Variants in SYT1 observed in about 807,000 individuals in gnomAD.
SYT1 encodes synaptotagmin-1.
SYT1 carries 8 observed loss-of-function variants against 44.8 expected under a neutral mutation model. That is an observed-to-expected ratio of 0.18 (90% CI 0.10 to 0.32). The LOEUF (loss-of-function observed/expected upper bound fraction) is 0.32, where lower values mean the gene tolerates loss of function less well. Ranked by LOEUF, SYT1 falls within the 10% of genes least tolerant of loss-of-function variation. The probability of loss-of-function intolerance (pLI) is 1.00; values close to 1 mark genes in which losing one functional copy is unlikely to be tolerated. For missense variants in SYT1, 286 were observed against 509.3 expected (o/e 0.56, Z 4.22); for synonymous variants, 154 against 188.8 (o/e 0.82, Z 1.51).
intron 2 of SYT1, among the ~76,000 whole-genome samples, chr12:79,008,418 A>C (rs557426962): frequency 1.3e-5 from 2 of 152,306 alleles, no homozygotes; most frequent in Non-Finnish European, 2.9e-5. Context: ...TAATTACAAT[A>C]ATAAGCCACT....
At chr12:79,267,580 A>C (rs1327813701) in intron 4 of SYT1, among the ~76,000 whole-genome samples, 2 of 152,244 alleles carry the variant, frequency 1.3e-5, no homozygotes, top group African/African-American at 2.4e-5. Context: ...GAACTCAAGA[A>C]AGACATACTG....
intron 4 of SYT1, among the ~76,000 whole-genome samples, chr12:79,246,213 G>C (rs994869534): frequency 6.6e-6 from 1 of 152,010 alleles, no homozygotes; most frequent in African/African-American, 2.4e-5. Flanking sequence ...CAAAAGACGA[G>C]GCAATGTGCA....
chr12:79,014,135 A>G (rs1052949636), intron 2 of SYT1, among the ~76,000 whole-genome samples: 3 of 145,022 alleles, frequency 2.1e-5, no homozygotes, highest in Non-Finnish European at 4.4e-5. Flanking sequence ...AAAAAAAAAA[A>G]AAAGAAAAAA....
chr12:79,396,282 C>T (rs1225667686), intron 9 of SYT1, among the ~76,000 whole-genome samples: 1 of 152,086 alleles, frequency 6.6e-6, no homozygotes, highest in African/African-American at 2.4e-5. Context: ...AACTATTTCA[C>T]TTGAATACAA....
chr12:79,140,287 A>G (rs993716247), intron 3 of SYT1, among the ~76,000 whole-genome samples: 7 of 152,216 alleles, frequency 4.6e-5, no homozygotes, highest in African/African-American at 1.7e-4. Flanking sequence ...TCTGCACACA[A>G]GAATCCCATA....
Position 79,405,112 on chromosome 12 carries a change from A to G in SYT1, c.929-38961A>G, listed in dbSNP as rs139098188. On this transcript the variant is annotated intron_variant, in intron 9 of 10. Coordinates refer to ENST00000261205, the MANE Select transcript of SYT1 (RefSeq NM_005639.3). ...CATTGCTGGAAGCTAGTGCTCTATC[A>G]TTTTTAAATAAACAGAATGTTTGTC... Among the ~76,000 whole-genome samples, 476 of 152,308 alleles carry G rather than the reference A, an allele frequency of 3.1e-3. 5 individuals carry two copies. The highest frequency in any genetic ancestry group is 5.6e-3 in the Non-Finnish European group (381 of 68,008).
chr12:79,386,642 A>G (rs1187839369), intron 9 of SYT1, among the ~76,000 whole-genome samples: 8 of 152,198 alleles, frequency 5.3e-5, no homozygotes, highest in African/African-American at 1.9e-4. Context: ...AAAATAAGAA[A>G]TCTGTATTCC....
intron 2 of SYT1, among the ~76,000 whole-genome samples, chr12:79,045,084 G>A (rs1873915204): frequency 6.6e-6 from 1 of 152,072 alleles, no homozygotes; most frequent in African/African-American, 2.4e-5. Context: ...GTTTGTCTGT[G>A]CCCTGCCCCC....
intron 2 of SYT1, among the ~76,000 whole-genome samples, chr12:79,016,099 A>G (rs1039626744): frequency 6.6e-6 from 1 of 152,152 alleles, no homozygotes; most frequent in Non-Finnish European, 1.5e-5. Context: ...TTAAGTTACC[A>G]TTTCTAAATT....
chr12:79,269,233 G>GT (rs2138760934), intron 4 of SYT1, among the ~76,000 whole-genome samples: 1 of 152,136 alleles, frequency 6.6e-6, no homozygotes, highest in Non-Finnish European at 1.5e-5. Flanking sequence ...AGAAAACTGT[G>GT]AAACAGAGAA....
chr12:78,877,569 G>A (rs1874239929), intron 1 of SYT1, among the ~76,000 whole-genome samples: 1 of 151,692 alleles, frequency 6.6e-6, no homozygotes, highest in African/African-American at 2.4e-5. Flanking sequence ...TACTTGTTAT[G>A]CTTTCTGATA....
intron 4 of SYT1, among the ~76,000 whole-genome samples, chr12:79,248,133 C>T (rs956620252): frequency 1.3e-5 from 2 of 152,124 alleles, no homozygotes; most frequent in East Asian, 3.9e-4. Flanking sequence ...GTGAACTAAT[C>T]ACATAACATT....
chr12:79,360,731 A>G (rs964985315), intron 9 of SYT1, among the ~76,000 whole-genome samples: 5 of 152,236 alleles, frequency 3.3e-5, no homozygotes, highest in African/African-American at 1.2e-4. Context: ...GTTACAATAT[A>G]ATATCAATTC....
chr12:79,316,568 G>A (rs1881094787), intron 8 of SYT1, among the ~76,000 whole-genome samples: 1 of 152,126 alleles, frequency 6.6e-6, no homozygotes, highest in Admixed American at 6.5e-5. Flanking sequence ...AGTCTATACA[G>A]GAATGTGTTG....
At chr12:79,291,125 A>G (rs558531870) in intron 5 of SYT1, among the ~76,000 whole-genome samples, 1 of 152,350 alleles carries the variant, frequency 6.6e-6, no homozygotes, top group African/African-American at 2.4e-5. Context: ...GAGCATTTGA[A>G]TGAAACTTAT....
intron 1 of SYT1, among the ~76,000 whole-genome samples, chr12:78,907,826 T>G (rs1427589152): frequency 6.6e-6 from 1 of 152,038 alleles, no homozygotes; most frequent in Non-Finnish European, 1.5e-5. Context: ...CACAAGTTCT[T>G]AGGACTTAAT....
At chr12:79,061,563 C>T (rs1306332573) in intron 3 of SYT1, among the ~76,000 whole-genome samples, 1 of 152,086 alleles carries the variant, frequency 6.6e-6, no homozygotes, top group Non-Finnish European at 1.5e-5. Context: ...ATGAATGGGA[C>T]AGTCTCCACC....
chr12:79,163,149 C>T (rs1364801043), intron 3 of SYT1, among the ~76,000 whole-genome samples: 2 of 152,102 alleles, frequency 1.3e-5, no homozygotes, highest in Admixed American at 6.6e-5. Flanking sequence ...CTGAGTGGGA[C>T]ACCTACTGCA....
At chr12:79,422,675 GCTCT>G (rs151278469) in intron 9 of SYT1, among the ~76,000 whole-genome samples, 2 of 147,908 alleles carry the variant, frequency 1.4e-5, no homozygotes, top group African/African-American at 2.5e-5. Context: ...GGTTGCTCGT[GCTCT>G]CTCTCTCTCT....
Sources: gnomAD v4.1 joint callset for allele counts (sites outside exome capture counted in the v4.1 genomes callset) on GRCh38, gnomAD v4.1.1 for gene constraint, MANE v1.5 for transcripts, NCBI Gene and HGNC (gene_info 2026-07-23, HGNC 2026-07-21) for gene names.